ZCCHC2: variants seen among roughly 807,000 people sequenced by gnomAD.
The protein encoded by ZCCHC2 is zinc finger CCHC-type containing 2, also known as zinc finger CCHC domain-containing protein 2.
Under a neutral mutation model 103.6 loss-of-function variants are expected in ZCCHC2, and 39 were observed. The ratio of observed to expected loss-of-function variants is 0.38; its 90% CI spans 0.29 to 0.49. The LOEUF is 0.49. ZCCHC2 is among the 20% of genes least tolerant of loss of function. ZCCHC2 has a pLI of 0.96. For synonymous variants in ZCCHC2, 687 were observed against 608.9 expected (o/e 1.13, Z -1.89); for missense variants, 1,483 against 1,491.0 (o/e 0.99, Z 0.09).
chr18:62,523,646 AGCGGCGGCGGGGGCGGGTATGCCGG>A lies in ZCCHC2; in HGVS notation c.236_260del (p.Ala79GlyfsTer194), dbSNP rs1193807933. ...GACTCGGGCCGCCTGTTGCTGGTGG[AGCGGCGGCGGGGGCGGGTATGCCGG>A]GCGGCGGCGGGGGGCCCTCGGCGGC... On this transcript the variant is annotated frameshift_variant, in exon 1 of 14. Transcript: ENST00000269499. LOFTEE classifies it high-confidence loss of function. 6.2e-6 allele frequency: 8 copies of A among 1,290,186 alleles called. No individual in the cohort carries two copies. The highest frequency in any genetic ancestry group is 4.2e-5 in the Admixed American group (1 of 23,826). 79.9% of individuals were successfully genotyped at this position (1,290,186 alleles called of 1,614,324 possible).
At chr18:62,540,721 T>A (rs1244704519) in intron 2 of ZCCHC2, among the ~76,000 whole-genome samples, 1 of 152,210 alleles carries the variant, frequency 6.6e-6, no homozygotes, top group Non-Finnish European at 1.5e-5. Context: ...TATATCAAAA[T>A]GCTGACAATT....
chr18:62,564,102 A>G (rs933851395), intron 9 of ZCCHC2, among the ~76,000 whole-genome samples: 27 of 152,230 alleles, frequency 1.8e-4, no homozygotes, highest in African/African-American at 9.6e-5. Flanking sequence ...GCATTAAAGC[A>G]TATTCTGAGA....
intron 1 of ZCCHC2, among the ~76,000 whole-genome samples, chr18:62,536,015 A>T (rs1486424896): frequency 6.6e-6 from 1 of 152,244 alleles, no homozygotes; most frequent in Non-Finnish European, 1.5e-5. Flanking sequence ...ACCATGTAGA[A>T]TATTGTTAGA....
intron 1 of ZCCHC2, among the ~76,000 whole-genome samples, chr18:62,534,311 T>TTA (rs747426020): frequency 3.5e-5 from 5 of 143,880 alleles, no homozygotes; most frequent in Admixed American, 7.0e-5. Context: ...GATCCTGTCT[T>TTA]AAAAAAAAAA....
Position 62,542,562 on chromosome 18 carries a change from G to A in ZCCHC2, c.1116G>A (p.Glu372=), listed in dbSNP as rs368463259. The change falls in exon 3 of 14, where the codon GAG becomes GAA. Residue 372 remains glutamate, a synonymous_variant. Transcript: ENST00000269499. The stretch of plus-strand genomic sequence containing the variant: ...GAAAAAGAGCTGACAAATACTGGGA[G>A]TACACTTTCAAAGTAAGCCATTTTC... ...VQRKRADKYW[E]YTFKVNWSDL... The A allele has an allele frequency of 3.9e-4, 606 of 1,561,828 alleles. No homozygotes were observed. The highest frequency in any genetic ancestry group is 5.1e-4 in the Non-Finnish European group (583 of 1,151,690).
At chr18:62,558,351 A>T (rs1204357915) in intron 6 of ZCCHC2, among the ~76,000 whole-genome samples, 3 of 152,238 alleles carry the variant, frequency 2.0e-5, no homozygotes, top group African/African-American at 7.2e-5. Context: ...CTGAAGATTT[A>T]AAAAAATGAA....
downstream of ZCCHC2, among the ~76,000 whole-genome samples, chr18:62,580,082 C>T (rs960113576): frequency 6.6e-6 from 1 of 152,174 alleles, no homozygotes; most frequent in Non-Finnish European, 1.5e-5. Flanking sequence ...CCTAAATATA[C>T]CGTTTCTTTT....
At chr18:62,531,866 T>C (rs1330225727) in intron 1 of ZCCHC2, among the ~76,000 whole-genome samples, 1 of 150,708 alleles carries the variant, frequency 6.6e-6, no homozygotes, top group Non-Finnish European at 1.5e-5. Context: ...CTCAGGAGGC[T>C]CCAGCTACTC....
rs201354783 is a variant in ZCCHC2, at chr18:62,565,070, A to C, written c.1820A>C (p.Gln607Pro). 6.2e-7 allele frequency: 1 copy of C among 1,613,526 alleles called. No individual in the cohort carries two copies. Among genetic ancestry groups the C allele is most frequent in the South Asian group, 1.1e-5 (1 of 91,066 alleles). Reference protein sequence around the residue: ...RINGIRLSTPQHAHGGTVKDV... With the variant: ...RINGIRLSTPPHAHGGTVKDV... ...AATGGTATTAGACTCTCCACTCCTC[A>C]GCATGCCCATGGTGGTACTGTGAAA... The change falls in exon 11 of 14, where the codon CAG becomes CCG. Residue 607 changes from glutamine to proline, a missense_variant. Transcript: ENST00000269499.
chr18:62,542,231 G>C (rs1361474643), intron 2 of ZCCHC2, among the ~76,000 whole-genome samples: 2 of 152,080 alleles, frequency 1.3e-5, no homozygotes, highest in Non-Finnish European at 2.9e-5. Flanking sequence ...AAAATCTTTG[G>C]TGTTAATAGA....
At chr18:62,537,474 A>G (rs1568540937) in intron 1 of ZCCHC2, among the ~76,000 whole-genome samples, 1 of 152,320 alleles carries the variant, frequency 6.6e-6, no homozygotes, top group East Asian at 1.9e-4. Context: ...CCTAGCCACT[A>G]TTCTACTTTC....
At chr18:62,562,152 A>T (rs961385579) in intron 8 of ZCCHC2, among the ~76,000 whole-genome samples, 1 of 151,316 alleles carries the variant, frequency 6.6e-6, no homozygotes, top group East Asian at 1.9e-4. Flanking sequence ...ACCCGCCACC[A>T]TGCCTGGCTA....
chr18:62,524,903 G>A (rs78236803), intron 1 of ZCCHC2: 1,648 of 154,204 alleles, frequency 0.011, 25 homozygotes, highest in Middle Eastern at 0.054. Flanking sequence ...GGCACAGAGG[G>A]ACTTTTTTTG....
In ZCCHC2 at chr18:62,537,991, T is replaced by A. The variant is rs557690618; in HGVS notation, c.940-1690T>A. The stretch of plus-strand genomic sequence containing the variant: ...GTATAAAGTGGTATCTTCTTATGCA[T>A]CTCACTAATGAAAACATTTTTTTCA... On this transcript the variant is annotated intron_variant, in intron 1 of 13. Transcript: ENST00000269499. Among the ~76,000 whole-genome samples, 8 of 152,340 alleles carry A rather than the reference T, an allele frequency of 5.3e-5. No homozygotes were observed. The South Asian group carries it at 1.7e-3, about 32-fold the overall frequency.
rs79945407 is a variant in ZCCHC2, at chr18:62,548,176, G to C, written c.1201-2172G>C. Among the ~76,000 whole-genome samples the C allele has an allele frequency of 5.5e-3, 834 of 152,216 alleles. 25 individuals are homozygous for C. Among genetic ancestry groups the C allele is most frequent in the Admixed American group, 0.044 (677 of 15,294 alleles). The stretch of plus-strand genomic sequence containing the variant: ...GCTCTGGAGGTGGGAGGCTGGGTAT[G>C]CTAGAACTAGGATTGAAAGGTGAGA... On this transcript the variant is annotated intron_variant, in intron 4 of 13. Coordinates refer to ENST00000269499, the MANE Select transcript of ZCCHC2 (RefSeq NM_017742.6).
At chr18:62,567,984 G>T (rs1598961833) in intron 11 of ZCCHC2, among the ~76,000 whole-genome samples, 1 of 132,804 alleles carries the variant, frequency 7.5e-6, no homozygotes, top group African/African-American at 3.0e-5. Flanking sequence ...GTAGTTTATT[G>T]CCCAGTGTTT....
At chr18:62,562,980 T>C (rs751796193) in intron 8 of ZCCHC2, 29 bp from the exon 9 acceptor site, 7 of 1,592,056 alleles carry the variant, frequency 4.4e-6, no homozygotes, top group Non-Finnish European at 6.0e-6. Flanking sequence ...GGGCAGATTT[T>C]CACACTTTCA....
In ZCCHC2 at chr18:62,523,376, G is replaced by GCGCCCC; in HGVS notation, c.-48_-47insGCCCCC. On this transcript the variant is annotated 5_prime_UTR_variant, in exon 1 of 14. Coordinates refer to ENST00000269499, the MANE Select transcript of ZCCHC2 (RefSeq NM_017742.6). ...GCCTCGGCCCGTGCTCCACCTCGCG[G>GCGCCCC]CCCCTCCCGCCCGCCCCCGCTCGCA... The GCGCCCC allele has an allele frequency of 1.7e-5, 17 of 1,012,324 alleles. No homozygotes were observed. Among genetic ancestry groups the GCGCCCC allele is most frequent in the South Asian group, 3.7e-5 (1 of 27,158 alleles). 62.7% of individuals were successfully genotyped at this position (1,012,324 alleles called of 1,614,324 possible).
intron 5 of ZCCHC2, among the ~76,000 whole-genome samples, chr18:62,555,906 A>C (rs1207759388): frequency 2.0e-5 from 3 of 152,278 alleles, no homozygotes; most frequent in Non-Finnish European, 4.4e-5. Flanking sequence ...TGGCTATTGG[A>C]CCACTTGGGC....
Sources: allele counts gnomAD v4.1 joint callset (sites outside exome capture counted in the v4.1 genomes callset), GRCh38; gene constraint gnomAD v4.1.1; transcripts MANE v1.5; gene names NCBI Gene and HGNC (gene_info 2026-07-23, HGNC 2026-07-21).